Variants in PDXP observed in about 807,000 individuals in gnomAD.
PDXP encodes the protein pyridoxal phosphatase, also known as chronophin.
In PDXP, 15 loss-of-function variants were observed where a neutral mutation model predicts 14.4. The ratio of observed to expected loss-of-function variants is 1.04; its 90% CI spans 0.70 to 1.60. PDXP has a LOEUF of 1.60. PDXP is among the 40% of genes most tolerant of loss of function. The pLI is 0.00. For synonymous variants in PDXP, 233 were observed against 205.6 expected (o/e 1.13, Z -1.14); for missense variants, 413 against 427.6 (o/e 0.97, Z 0.30).
At chr22:37,662,283 G>A (rs770682053) in intron 1 of PDXP, among the ~76,000 whole-genome samples, 1 of 152,064 alleles carries the variant, frequency 6.6e-6, no homozygotes, top group Non-Finnish European at 1.5e-5. Context: ...GCAGGGCTGA[G>A]GATTCTTGCT....
At position 37,665,695 on chromosome 22, in the gene PDXP, C is replaced by T. The variant is rs995534561; in HGVS notation, c.715C>T (p.Arg239Cys). 8 of 1,614,144 alleles carry T rather than the reference C, an allele frequency of 5.0e-6. No individual in the cohort carries two copies. The highest frequency in any genetic ancestry group is 1.7e-5 in the Admixed American group (1 of 60,030). ...CGCACGCACGCTTATGGTGGGTGACCGCCTGGAGACCGACATCCTCTTTGG... is the reference window on the plus strand; with the variant it reads ...CGCACGCACGCTTATGGTGGGTGACTGCCTGGAGACCGACATCCTCTTTGG... ...DPARTLMVGD[R>C]LETDILFGHR... The change falls in exon 2 of 2, where the codon CGC (arginine) becomes TGC (cysteine). Residue 239 changes from arginine (R) to cysteine (C), a missense_variant. Arg to Cys is a radical substitution (Grantham distance 180). Transcript: ENST00000215904.
At position 37,658,776 on chromosome 22, in the gene PDXP, C is replaced by G; in HGVS notation, c.-7C>G. 8.6e-7 allele frequency: 1 copy of G among 1,166,312 alleles called. No individual in the cohort carries two copies. The highest frequency in any genetic ancestry group is 1.1e-6 in the Non-Finnish European group (1 of 945,922). The allele number at this position is 1,166,312 out of a possible 1,614,324, so 72.2% of individuals were successfully genotyped here. ...GCGGCGCGGGAGGCCGGCGGCCGGC[C>G]GGCTGCATGGCGCGCTGCGAGAGGC... On this transcript the variant is annotated 5_prime_UTR_variant, in exon 1 of 2. Transcript: ENST00000215904.
rs1460190795 is a variant in PDXP at position 37,665,830 on chromosome 22, G to A, written c.850G>A (p.Val284Met). The part of the protein sequence containing the change: ...GQHDLVPHYY[V>M]ESIADLTEGL... ...GCACGACCTCGTGCCCCATTACTATGTGGAGAGCATCGCAGACTTGACAGA... is the reference window on the plus strand; with the variant it reads ...GCACGACCTCGTGCCCCATTACTATATGGAGAGCATCGCAGACTTGACAGA... Residue 284 changes from valine to methionine, a missense_variant, in exon 2 of 2, where the codon GTG (valine) becomes ATG (methionine). Physicochemically the swap from Val to Met is conservative, Grantham distance 21. Transcript: ENST00000215904. The A allele has an allele frequency of 1.9e-6, 3 of 1,613,882 alleles. No individual in the cohort carries two copies. The African/African-American group carries it at 4.0e-5, about 22-fold the overall frequency.
intron 1 of PDXP, among the ~76,000 whole-genome samples, chr22:37,661,319 C>T (rs1374300902): frequency 1.3e-5 from 2 of 150,580 alleles, no homozygotes; most frequent in Admixed American, 1.3e-4. Context: ...CAGCTTGATG[C>T]AGCTTTCAAA....
At position 37,665,777 on chromosome 22, in the gene PDXP, A is replaced by G; in HGVS notation, c.797A>G (p.Glu266Gly). The change falls in exon 2 of 2, where the codon GAG becomes GGG. Residue 266 changes from glutamate to glycine, a missense_variant. By Grantham distance (98) the Glu-to-Gly change is moderately conservative. Transcript: ENST00000215904. The part of the protein sequence containing the change: ...LTLTGVSRLE[E>G]AQAYLAAGQH... ...CTCACAGGAGTCTCCCGCCTAGAAG[A>G]GGCCCAGGCCTACCTAGCGGCCGGC... is the stretch of plus-strand genomic sequence containing the variant. 6.2e-7 allele frequency: 1 copy of G among 1,614,094 alleles called. No individual in the cohort carries two copies. The highest frequency in any genetic ancestry group is 8.5e-7 in the Non-Finnish European group (1 of 1,180,034).
chr22:37,660,954 ACCT>A (rs1449321277), intron 1 of PDXP, among the ~76,000 whole-genome samples: 1 of 152,104 alleles, frequency 6.6e-6, no homozygotes, highest in African/African-American at 2.4e-5. Context: ...GGGCGGGCTC[ACCT>A]CAGCCTCAGT....
At chr22:37,662,028 G>A (rs1238641271) in intron 1 of PDXP, among the ~76,000 whole-genome samples, 1 of 132,790 alleles carries the variant, frequency 7.5e-6, no homozygotes, top group Non-Finnish European at 1.5e-5. Flanking sequence ...TGCAACCTCT[G>A]CCTCCTAGGT....
intron 1 of PDXP, among the ~76,000 whole-genome samples, chr22:37,662,058 C>A (rs1022899873): frequency 6.7e-6 from 1 of 149,926 alleles, no homozygotes; most frequent in Non-Finnish European, 1.5e-5. Context: ...TCTCCTGCCT[C>A]AGCCTCCCCA....
rs1291521269 is a variant in PDXP, at chr22:37,666,474, T to G, written c.*603T>G. 5.8e-6 allele frequency: 1 copy of G among 172,960 alleles called. No homozygotes were observed. Among genetic ancestry groups the G allele is most frequent in the Non-Finnish European group, 1.4e-5 (1 of 71,216 alleles). 10.7% of individuals were successfully genotyped at this position (172,960 alleles called of 1,614,324 possible). On this transcript the variant is annotated 3_prime_UTR_variant, in exon 2 of 2. Coordinates refer to ENST00000215904, the MANE Select transcript of PDXP (RefSeq NM_020315.5). ...CCCTCGCATGTCCTAGGTCCCTGGG[T>G]GGACCCATCAGGACCCCAAGTGATA... is the stretch of plus-strand genomic sequence containing the variant.
rs528820627 is a variant in PDXP at position 37,665,870 on chromosome 22, G to C, written c.890G>C (p.Ter297SerextTer18). The stretch of plus-strand genomic sequence containing the variant: ...GACTTGACAGAGGGGTTGGAGGACT[G>C]AGCCCACTGCACCTGCAGCCACAGG... ...IADLTEGLED[*>S] Residue 297 changes from the stop codon to serine, a stop_lost, in exon 2 of 2, where the codon TGA becomes TCA. Coordinates refer to ENST00000215904, the MANE Select transcript of PDXP (RefSeq NM_020315.5). The C allele has an allele frequency of 2.5e-5, 40 of 1,610,464 alleles. No homozygotes were observed. The highest frequency in any genetic ancestry group is 3.4e-5 in the Non-Finnish European group (40 of 1,177,554).
chr22:37,666,817 T>G lies in PDXP; in HGVS notation c.*946T>G, dbSNP rs1921099192. 1 of 166,236 alleles carries G rather than the reference T, an allele frequency of 6.0e-6. No individual in the cohort carries two copies. Among genetic ancestry groups the G allele is most frequent in the Non-Finnish European group, 1.5e-5 (1 of 68,120 alleles). 10.3% of individuals were successfully genotyped at this position (166,236 alleles called of 1,614,324 possible). On this transcript the variant is annotated 3_prime_UTR_variant, in exon 2 of 2. Coordinates refer to ENST00000215904, the MANE Select transcript of PDXP (RefSeq NM_020315.5). ...TCTCTCCCGTGCCCACTTGGCTATT[T>G]ACTTATTTATTTATTGTGTGCCAGT...
rs182670099 is a variant in PDXP, at chr22:37,664,080, G to A, written c.575-1475G>A. 4.3e-3 allele frequency among the ~76,000 whole-genome samples: 647 copies of A among 151,758 alleles called. 2 individuals carry two copies. The highest frequency in any genetic ancestry group is 0.014 in the African/African-American group (592 of 41,428). Reference sequence around the variant, plus strand: ...CAAATAGCTGGGATTACAGGCATGCGCCGCCATGCCTGGCTAATTTTTGTG... The same window carrying A: ...CAAATAGCTGGGATTACAGGCATGCACCGCCATGCCTGGCTAATTTTTGTG... On this transcript the variant is annotated intron_variant, in intron 1 of 1. Coordinates refer to ENST00000215904, the MANE Select transcript of PDXP (RefSeq NM_020315.5).
chr22:37,661,917 A>ATTTTTTTTTTTTTTTTTTTTTTTT (rs763030330), intron 1 of PDXP, among the ~76,000 whole-genome samples: 1 of 71,218 alleles, frequency 1.4e-5, no homozygotes, highest in Admixed American at 1.6e-4. Context: ...TTTTTCTTTA[A>ATTTTTTTTTTTTTTTTTTTTTTTT]TTTTTTTTTT....
chr22:37,658,845 G>C lies in PDXP; in HGVS notation c.63G>C (p.Gly21=). The C allele has an allele frequency of 2.5e-6, 3 of 1,206,028 alleles. No homozygotes were observed. Among genetic ancestry groups the C allele is most frequent in the Non-Finnish European group, 3.1e-6 (3 of 970,036 alleles). 74.7% of individuals were successfully genotyped at this position (1,206,028 alleles called of 1,614,324 possible). Residue 21 remains glycine, a synonymous_variant, in exon 1 of 2, where the codon GGG becomes GGC. Coordinates refer to ENST00000215904, the MANE Select transcript of PDXP (RefSeq NM_020315.5). ...ALRDVLGRAQ[G]VLFDCDGVLW... ...GCGACGTGCTGGGCCGGGCGCAGGG[G>C]GTCCTGTTCGACTGTGACGGGGTGC...
intron 1 of PDXP, among the ~76,000 whole-genome samples, chr22:37,661,331 A>AGTGTGGTGTGGTGTGGTGTGTGT (rs1555890111): frequency 1.1e-5 from 1 of 93,450 alleles, no homozygotes; most frequent in Admixed American, 1.1e-4. Flanking sequence ...GCTTTCAAAC[A>AGTGTGGTGTGGTGTGGTGTGTGT]GTGTGGTGTG....
rs757456115 is a variant in PDXP, at chr22:37,659,385, G to A, written c.574+29G>A. ...AGCGCGGGAATGGCGGGGAAACTGA[G>A]ATGGGGGCGACCTGCGCATTCGCCT... On this transcript the variant is annotated intron_variant, in intron 1 of 1. Transcript: ENST00000215904. 3 of 1,284,930 alleles carry A rather than the reference G, an allele frequency of 2.3e-6. No individual in the cohort carries two copies. In the East Asian group the frequency reaches 8.5e-5, roughly 36 times the overall value. The allele number at this position is 1,284,930 out of a possible 1,614,324, so 79.6% of individuals were successfully genotyped here.
chr22:37,663,458 C>A (rs1183427405), intron 1 of PDXP, among the ~76,000 whole-genome samples: 1 of 152,056 alleles, frequency 6.6e-6, no homozygotes, highest in Non-Finnish European at 1.5e-5. Context: ...CCTGCCTCAG[C>A]CTCCTGAGTA....
intron 1 of PDXP, among the ~76,000 whole-genome samples, chr22:37,664,604 C>T (rs1019117750): frequency 6.6e-6 from 1 of 152,222 alleles, no homozygotes; most frequent in Non-Finnish European, 1.5e-5. Flanking sequence ...CTTCCAGAAA[C>T]ACCCAGCACA....
At chr22:37,662,595 C>T (rs944992426) in intron 1 of PDXP, among the ~76,000 whole-genome samples, 3 of 152,210 alleles carry the variant, frequency 2.0e-5, no homozygotes, top group African/African-American at 7.2e-5. Flanking sequence ...TCCACCATCA[C>T]AGGTACGGTG....
Sources: allele counts gnomAD v4.1 joint callset (sites outside exome capture counted in the v4.1 genomes callset), GRCh38; gene constraint gnomAD v4.1.1; transcripts MANE v1.5; gene names NCBI Gene and HGNC (gene_info 2026-07-23, HGNC 2026-07-21).